CARD10: variants seen among roughly 807,000 people sequenced by gnomAD.
CARD10 encodes caspase recruitment domain family member 10.
Under a neutral mutation model 114.6 loss-of-function variants are expected in CARD10, and 49 were observed. The ratio of observed to expected loss-of-function variants is 0.43; its 90% CI spans 0.34 to 0.54. The LOEUF is 0.54. CARD10 is among the 20% of genes least tolerant of loss of function. CARD10 has a pLI of 0.03. For missense variants in CARD10, 1,206 were observed against 1,397.2 expected, an observed-to-expected ratio of 0.86 and a Z score of 2.18; for synonymous variants, 602 against 593.2, an observed-to-expected ratio of 1.01 and a Z score of -0.21.
At chr22:37,493,259 C>T (rs894287187) in intron 16 of CARD10, among the ~76,000 whole-genome samples, 1 of 152,180 alleles carries the variant, frequency 6.6e-6, no homozygotes, top group African/African-American at 2.4e-5. Context: ...TGCCCAAAGC[C>T]CCAGCCCTGC....
intron 4 of CARD10, among the ~76,000 whole-genome samples, chr22:37,509,453 G>C (rs1202751771): frequency 6.6e-6 from 1 of 152,102 alleles, no homozygotes; most frequent in Non-Finnish European, 1.5e-5. Flanking sequence ...TCAGCTCAGA[G>C]CTTCAGGCAA....
Position 37,492,820 on chromosome 22 carries a change from C to A in CARD10, c.2477-18G>T. On this transcript the variant is annotated intron_variant, in intron 16 of 19. Transcript: ENST00000251973. This position sits in a 1 kb window ranked among gnomAD's most constrained non-coding sequence, Gnocchi z 5.7. The stretch of plus-strand genomic sequence containing the variant: ...CTCCGGCTCTGTGGCAGGGGAGGGG[C>A]GCAAAAGAGATAAGGGCACAGGCAG... 1.2e-6 allele frequency: 2 copies of A among 1,605,910 alleles called. No individual in the cohort carries two copies. Among genetic ancestry groups the A allele is most frequent in the Non-Finnish European group, 1.7e-6 (2 of 1,178,344 alleles).
intron 18 of CARD10, 25 bp from the exon 19 acceptor site, chr22:37,491,892 T>C (rs1319047058): frequency 1.3e-5 from 20 of 1,516,672 alleles, no homozygotes; most frequent in Non-Finnish European, 1.7e-5. Context: ...GAGGCTACAA[T>C]GTACTCCTGG....
At chr22:37,502,103 G>A (rs1923237349) in intron 11 of CARD10, among the ~76,000 whole-genome samples, 1 of 152,218 alleles carries the variant, frequency 6.6e-6, no homozygotes, top group South Asian at 2.1e-4. Context: ...GCACTAATGG[G>A]CTTTGTGACT....
At chr22:37,511,261 G>T (rs1206679198) in intron 3 of CARD10, among the ~76,000 whole-genome samples, 1 of 150,622 alleles carries the variant, frequency 6.6e-6, no homozygotes, top group Non-Finnish European at 1.5e-5. Context: ...GGAGGCTGAA[G>T]CGGGAGAATC....
At chr22:37,513,108 CT>C (rs1488341619) in intron 3 of CARD10, among the ~76,000 whole-genome samples, 1 of 151,952 alleles carries the variant, frequency 6.6e-6, no homozygotes, top group African/African-American at 2.4e-5. Context: ...AATTTCACTT[CT>C]TTTTTTGTTG....
chr22:37,508,543 T>G lies in CARD10; in HGVS notation c.1049A>C (p.Glu350Ala), dbSNP rs1923495911. Residue 350 changes from glutamate to alanine, a missense_variant, in exon 5 of 20, where the codon GAG becomes GCG. Transcript: ENST00000251973. The part of the protein sequence containing the change: ...HAVQGELQWA[E>A]ELRDQYLQEM... Reference sequence around the variant, plus strand: ...GGGCCCCACCTGGTCGCGCAGCTCCTCGGCCCACTGCAGCTCCCCCTGCAC... The same window carrying G: ...GGGCCCCACCTGGTCGCGCAGCTCCGCGGCCCACTGCAGCTCCCCCTGCAC... 1.9e-6 allele frequency: 3 copies of G among 1,596,154 alleles called. No homozygotes were observed. Among genetic ancestry groups the G allele is most frequent in the Non-Finnish European group, 2.5e-6 (3 of 1,177,962 alleles).
At chr22:37,517,316 CGTGT>C (rs924498204) in intron 2 of CARD10, among the ~76,000 whole-genome samples, 128 of 152,174 alleles carry the variant, frequency 8.4e-4, no homozygotes, top group African/African-American at 3.0e-3. Flanking sequence ...GGCGTGTGTG[CGTGT>C]GTGTATGTGT....
rs560451604 is a variant in CARD10 at position 37,492,387 on chromosome 22, G to A, written c.2751+48C>T. The A allele has an allele frequency of 3.5e-5, 48 of 1,375,616 alleles. No individual in the cohort carries two copies. The highest frequency in any genetic ancestry group is 3.2e-4 in the South Asian group (23 of 71,572). 85.2% of individuals were successfully genotyped at this position (1,375,616 alleles called of 1,614,324 possible). A position where few individuals can be genotyped will look rare whatever the true frequency, so the allele number is the denominator to read the frequency against. On this transcript the variant is annotated intron_variant, in intron 18 of 19. Transcript: ENST00000251973. This position sits in a 1 kb window ranked among gnomAD's most constrained non-coding sequence, Gnocchi z 5.7. Reference sequence around the variant, plus strand: ...GCTCAAGCCCAGAACAGCAGCACCCGCTCTGGGCCACCTCTGTGAGCACCC... The same window carrying A: ...GCTCAAGCCCAGAACAGCAGCACCCACTCTGGGCCACCTCTGTGAGCACCC...
chr22:37,504,792 AG>A lies in CARD10; in HGVS notation c.1384-24del, dbSNP rs777074212. ...GGCCTGGAAGAGGGAGAGGAGAGGA[AG>A]GAGGTGAGCAGTGCTAGGCCCACGT... is the stretch of plus-strand genomic sequence containing the variant. On this transcript the variant is annotated intron_variant, in intron 7 of 19. Coordinates refer to ENST00000251973, the MANE Select transcript of CARD10 (RefSeq NM_014550.4). 4 of 1,483,766 alleles carry A rather than the reference AG, an allele frequency of 2.7e-6. No individual in the cohort carries two copies. The East Asian group carries it at 9.9e-5, about 37-fold the overall frequency. The allele number at this position is 1,483,766 out of a possible 1,614,324, so 91.9% of individuals were successfully genotyped here.
In CARD10 at chr22:37,495,806, G is replaced by A; in HGVS notation, c.2257C>T (p.Leu753Phe). The change falls in exon 14 of 20, where the codon CTC becomes TTC. Residue 753 changes from leucine (L) to phenylalanine (F), a missense_variant. Transcript: ENST00000251973. Reference sequence around the variant, plus strand: ...CCCCGGTCCAGGTCCCGCAGAGTGAGGGGGTCAACCCGGGTGCAGAACCAT... The same window carrying A: ...CCCCGGTCCAGGTCCCGCAGAGTGAAGGGGTCAACCCGGGTGCAGAACCAT... ...QEWFCTRVDP[L>F]TLRDLDRGTV... The A allele has an allele frequency of 2.5e-6, 4 of 1,614,060 alleles. No homozygotes were observed. Among genetic ancestry groups the A allele is most frequent in the Non-Finnish European group, 3.4e-6 (4 of 1,180,038 alleles).
At chr22:37,493,552 C>T (rs1922883621) in intron 16 of CARD10, among the ~76,000 whole-genome samples, 1 of 152,226 alleles carries the variant, frequency 6.6e-6, no homozygotes, top group South Asian at 2.1e-4. Flanking sequence ...ACACCACACA[C>T]AGCCATGCCT....
chr22:37,513,671 T>C (rs1208336865), intron 3 of CARD10, among the ~76,000 whole-genome samples: 4 of 152,052 alleles, frequency 2.6e-5, no homozygotes, highest in Non-Finnish European at 5.9e-5. Flanking sequence ...AGCAGTAAAT[T>C]ATTTCTTCTG....
Position 37,504,622 on chromosome 22 carries a change from G to A in CARD10, c.1518+13C>T. On this transcript the variant is annotated intron_variant, in intron 8 of 19. Transcript: ENST00000251973. Reference sequence around the variant, plus strand: ...AGTGTCCCCCCTTATTTGGGATGGGGCAGTTGTCTTACCGAGTTGTGAGGC... The same window carrying A: ...AGTGTCCCCCCTTATTTGGGATGGGACAGTTGTCTTACCGAGTTGTGAGGC... The A allele has an allele frequency of 6.8e-7, 1 of 1,471,390 alleles. No individual in the cohort carries two copies. Among genetic ancestry groups the A allele is most frequent in the Non-Finnish European group, 9.0e-7 (1 of 1,110,822 alleles). 91.1% of individuals were successfully genotyped at this position (1,471,390 alleles called of 1,614,324 possible). A position where few individuals can be genotyped will look rare whatever the true frequency, so the allele number is the denominator to read the frequency against.
In CARD10 at chr22:37,492,628, C is replaced by T. The variant is rs529758086; in HGVS notation, c.2635+16G>A. 1.2e-5 allele frequency: 19 copies of T among 1,611,452 alleles called. No individual in the cohort carries two copies. Among genetic ancestry groups the T allele is most frequent in the Admixed American group, 1.0e-4 (6 of 59,832 alleles). ...AGAGGGGCACCCAGCCTCCCCTCCC[C>T]GGCACATAGTCTCACCCGCTGGGCA... is the stretch of plus-strand genomic sequence containing the variant. On this transcript the variant is annotated intron_variant, in intron 17 of 19. Coordinates refer to ENST00000251973, the MANE Select transcript of CARD10 (RefSeq NM_014550.4). The surrounding 1 kb of genome is among the most constrained non-coding windows in gnomAD (Gnocchi z 5.7).
Position 37,492,599 on chromosome 22 carries a change from G to A in CARD10, c.2635+45C>T. On this transcript the variant is annotated intron_variant, in intron 17 of 19. Coordinates refer to ENST00000251973, the MANE Select transcript of CARD10 (RefSeq NM_014550.4). This position sits in a 1 kb window ranked among gnomAD's most constrained non-coding sequence, Gnocchi z 5.7. ...AGATGAAGGATCCATGGGCCCGGCT[G>A]CCCAGAGGGGCACCCAGCCTCCCCT... 1.2e-6 allele frequency: 2 copies of A among 1,608,760 alleles called. No individual in the cohort carries two copies.
intron 4 of CARD10, among the ~76,000 whole-genome samples, chr22:37,509,597 C>T (rs1389139746): frequency 2.1e-5 from 3 of 146,280 alleles, no homozygotes; most frequent in African/African-American, 5.3e-5. Context: ...TCCATGTCCA[C>T]GAGCCCTGGC....
At position 37,510,247 on chromosome 22, in the gene CARD10, C is replaced by T; in HGVS notation, c.874G>A (p.Ala292Thr). 1 of 1,602,328 alleles carries T rather than the reference C, an allele frequency of 6.2e-7. No homozygotes were observed. The highest frequency in any genetic ancestry group is 8.5e-7 in the Non-Finnish European group (1 of 1,179,860). Reference protein sequence around the residue: ...ELRAENQRLTASLRELQEGLQ... With the variant: ...ELRAENQRLTTSLRELQEGLQ... ...CCCTCCTGCAACTCCCGCAGTGACG[C>T]CGTCAGCCGCTGGTTCTCAGCACGC... The change falls in exon 4 of 20, where the codon GCG becomes ACG. Residue 292 changes from alanine to threonine, a missense_variant. Physicochemically the swap from Ala to Thr is moderately conservative, Grantham distance 58. Coordinates refer to ENST00000251973, the MANE Select transcript of CARD10 (RefSeq NM_014550.4).
At chr22:37,495,040 G>A (rs1922945383) in intron 15 of CARD10, among the ~76,000 whole-genome samples, 1 of 151,946 alleles carries the variant, frequency 6.6e-6, no homozygotes, top group Non-Finnish European at 1.5e-5. Context: ...TTGGCTCACT[G>A]CAAGCTCCGC....
Sources: allele counts gnomAD v4.1 joint callset (sites outside exome capture counted in the v4.1 genomes callset), GRCh38; gene constraint gnomAD v4.1.1; non-coding constraint Gnocchi (gnomAD v3.1); transcripts MANE v1.5; gene names NCBI Gene and HGNC (gene_info 2026-07-23, HGNC 2026-07-21).